CFAP299: variants seen among roughly 807,000 people sequenced by gnomAD.
CFAP299 encodes the protein cilia- and flagella-associated protein 299.
Under a neutral mutation model 27.0 loss-of-function variants are expected in CFAP299, and 21 were observed. That is an observed-to-expected ratio of 0.78 (90% CI 0.55 to 1.12). The LOEUF is 1.12. Ranked by LOEUF, CFAP299 falls within the 50% of genes most tolerant of loss-of-function variation. The pLI, the probability that CFAP299 is intolerant of heterozygous loss-of-function variation, is 0.00. For missense variants in CFAP299, 310 were observed against 276.6 expected, an observed-to-expected ratio of 1.12 and a Z score of -0.86; for synonymous variants, 104 against 98.1, an observed-to-expected ratio of 1.06 and a Z score of -0.36.
intron 2 of CFAP299, among the ~76,000 whole-genome samples, chr4:80,485,016 A>C (rs1730737160): frequency 6.6e-6 from 1 of 152,118 alleles, no homozygotes; most frequent in Admixed American, 6.5e-5. Context: ...AATGAATGTT[A>C]AGGCCATTAA....
At chr4:80,392,706 A>G (rs151296760) in intron 2 of CFAP299, among the ~76,000 whole-genome samples, 249 of 152,192 alleles carry the variant, frequency 1.6e-3, no homozygotes, top group Non-Finnish European at 2.4e-3. Flanking sequence ...TAAATTACCC[A>G]GTCTTGGGTA....
intron 3 of CFAP299, among the ~76,000 whole-genome samples, chr4:80,800,761 G>GAGTATA (rs1288777052): frequency 1.6e-4 from 21 of 128,494 alleles, no homozygotes; most frequent in African/African-American, 6.5e-4. Context: ...GTGTGTGTGT[G>GAGTATA]TGTGTGTATA....
At chr4:80,569,671 T>A (rs1018675264) in intron 2 of CFAP299, among the ~76,000 whole-genome samples, 3 of 151,960 alleles carry the variant, frequency 2.0e-5, no homozygotes, top group Non-Finnish European at 4.4e-5. Flanking sequence ...TTATTTTACA[T>A]ACAATCAACA....
intron 2 of CFAP299, among the ~76,000 whole-genome samples, chr4:80,415,475 T>C (rs1295981143): frequency 6.6e-6 from 1 of 152,222 alleles, no homozygotes; most frequent in Admixed American, 6.5e-5. Flanking sequence ...TTTTTGATTT[T>C]GTTTTTCATC....
intron 3 of CFAP299, among the ~76,000 whole-genome samples, chr4:80,765,984 T>C (rs971355043): frequency 6.6e-6 from 1 of 151,694 alleles, no homozygotes; most frequent in African/African-American, 2.4e-5. Flanking sequence ...GAATAGCATA[T>C]AGAGAATGGC....
Position 80,598,940 on chromosome 4 carries a change from G to A in CFAP299, c.333+15757G>A, listed in dbSNP as rs148874979. ...ACATTCTTAGAGTAAATCACTTCCA[G>A]TATAGAGTTACTTCACCTCTGTGAA... On this transcript the variant is annotated intron_variant, in intron 3 of 5. Coordinates refer to ENST00000358105, the MANE Select transcript of CFAP299 (RefSeq NM_152770.3). Among the ~76,000 whole-genome samples the A allele has an allele frequency of 9.7e-3, 1,483 of 152,214 alleles. 20 individuals carry two copies. The highest frequency in any genetic ancestry group is 0.069 in the South Asian group (332 of 4,818).
rs555713350 is a variant in CFAP299 at position 80,802,640 on chromosome 4, G to C, written c.334-67353G>C. Among the ~76,000 whole-genome samples, 9 of 152,032 alleles carry C rather than the reference G, an allele frequency of 5.9e-5. 1 individual carries two copies. Among genetic ancestry groups the C allele is most frequent in the African/African-American group, 2.2e-4 (9 of 41,516 alleles). The stretch of plus-strand genomic sequence containing the variant: ...GGAAAACTTATCAATATTTGAAATA[G>C]GTCTCATCCTGCCTCTTTTTCATTG... On this transcript the variant is annotated intron_variant, in intron 3 of 5. Transcript: ENST00000358105.
intron 2 of CFAP299, among the ~76,000 whole-genome samples, chr4:80,391,650 T>A (rs1355748602): frequency 6.6e-6 from 1 of 152,200 alleles, no homozygotes; most frequent in Non-Finnish European, 1.5e-5. Flanking sequence ...GTAAAGAAAC[T>A]GCTGTGCTGC....
intron 2 of CFAP299, among the ~76,000 whole-genome samples, chr4:80,551,011 T>G (rs1184876041): frequency 6.6e-6 from 1 of 152,202 alleles, no homozygotes; most frequent in Non-Finnish European, 1.5e-5. Context: ...TGGGCCATGC[T>G]GCTGGTAGCT....
At chr4:80,640,105 G>A (rs190803983) in intron 3 of CFAP299, among the ~76,000 whole-genome samples, 1 of 152,224 alleles carries the variant, frequency 6.6e-6, no homozygotes. Flanking sequence ...TGGTTCAAAT[G>A]GTAAACTGTA....
At chr4:80,573,224 G>A (rs1382118372) in intron 2 of CFAP299, among the ~76,000 whole-genome samples, 1 of 152,062 alleles carries the variant, frequency 6.6e-6, no homozygotes, top group Non-Finnish European at 1.5e-5. Context: ...AGTGATTAAT[G>A]ATGTTGAACA....
Position 80,597,310 on chromosome 4 carries a change from A to G in CFAP299, c.333+14127A>G, listed in dbSNP as rs533777529. On this transcript the variant is annotated intron_variant, in intron 3 of 5. Coordinates refer to ENST00000358105, the MANE Select transcript of CFAP299 (RefSeq NM_152770.3). ...CATTGTAGTTTAAATTTGCATTTATATGATTGTTAATGAGGGTCATCCATG... is the reference window on the plus strand; with the variant it reads ...CATTGTAGTTTAAATTTGCATTTATGTGATTGTTAATGAGGGTCATCCATG... Among the ~76,000 whole-genome samples, 92 of 152,276 alleles carry G rather than the reference A, an allele frequency of 6.0e-4. 1 individual carries two copies. The highest frequency in any genetic ancestry group is 1.9e-3 in the African/African-American group (81 of 41,562).
At chr4:80,556,305 A>G (rs1252947191) in intron 2 of CFAP299, among the ~76,000 whole-genome samples, 1 of 152,058 alleles carries the variant, frequency 6.6e-6, no homozygotes, top group Non-Finnish European at 1.5e-5. Context: ...TTTTTTGAGA[A>G]GGATCAAAGA....
intron 3 of CFAP299, among the ~76,000 whole-genome samples, chr4:80,655,582 AAT>A (rs902016730): frequency 2.0e-4 from 31 of 152,144 alleles, no homozygotes; most frequent in African/African-American, 7.2e-4. Context: ...AGGGTATGGG[AAT>A]ATGTTTCTTT....
At chr4:80,386,279 C>T (rs1724984133) in intron 2 of CFAP299, 5 of 1,234,350 alleles carry the variant, frequency 4.1e-6, no homozygotes, top group South Asian at 1.3e-5. Flanking sequence ...CCCAGCCCCT[C>T]AGCTGTCCAG....
chr4:80,865,195 G>T (rs944192831), intron 3 of CFAP299, among the ~76,000 whole-genome samples: 1 of 152,182 alleles, frequency 6.6e-6, no homozygotes, highest in Non-Finnish European at 1.5e-5. Context: ...GATAATGAAT[G>T]TGAAGCTTTT....
chr4:80,399,489 T>C (rs1425789628), intron 2 of CFAP299, among the ~76,000 whole-genome samples: 4 of 152,144 alleles, frequency 2.6e-5, no homozygotes, highest in African/African-American at 7.2e-5. Context: ...GGCACATATA[T>C]ACCATGGAAT....
At chr4:80,579,331 T>A (rs572842245) in intron 2 of CFAP299, among the ~76,000 whole-genome samples, 2 of 152,172 alleles carry the variant, frequency 1.3e-5, no homozygotes, top group Non-Finnish European at 2.9e-5. Context: ...GTGCAAAAGT[T>A]AGTGACATGA....
intron 2 of CFAP299, among the ~76,000 whole-genome samples, chr4:80,453,355 A>G (rs1369199275): frequency 6.6e-6 from 1 of 152,166 alleles, no homozygotes; most frequent in Admixed American, 6.5e-5. Flanking sequence ...CTTTACGAAT[A>G]TTCAAACTAA....
Sources: gnomAD v4.1 joint callset for allele counts (sites outside exome capture counted in the v4.1 genomes callset) on GRCh38, gnomAD v4.1.1 for gene constraint, MANE v1.5 for transcripts, NCBI Gene and HGNC (gene_info 2026-07-23, HGNC 2026-07-21) for gene names.